MYL12B: variants seen among roughly 807,000 people sequenced by gnomAD.
MYL12B encodes myosin regulatory light chain 12B.
MYL12B carries 3 observed loss-of-function variants against 12.9 expected under a neutral mutation model. The observed-to-expected ratio is 0.23, with a 90% CI of 0.11 to 0.60. MYL12B has a LOEUF of 0.60. Among genes scored for constraint, MYL12B ranks in the 20% least tolerant of loss-of-function variants. The pLI, the probability that MYL12B is intolerant of heterozygous loss-of-function variation, is 0.89. For missense variants in MYL12B, 120 were observed against 215.4 expected, an observed-to-expected ratio of 0.56 and a Z score of 2.77; for synonymous variants, 57 against 71.9, an observed-to-expected ratio of 0.79 and a Z score of 1.05.
Position 3,274,037 on chromosome 18 carries a change from C to T in MYL12B, c.184+955C>T, listed in dbSNP as rs140691880. 2.1e-3 allele frequency among the ~76,000 whole-genome samples: 320 copies of T among 152,178 alleles called. 3 individuals carry two copies. Among genetic ancestry groups the T allele is most frequent in the Non-Finnish European group, 3.7e-3 (250 of 68,012 alleles). On this transcript the variant is annotated intron_variant, in intron 2 of 3. Transcript: ENST00000237500. ...AGTGGAAAGAACATTATAGTGAACA[C>T]CTATACATCTTTAGCTATATTCACT...
chr18:3,264,533 G>A (rs1159616488), intron 1 of MYL12B, among the ~76,000 whole-genome samples: 1 of 152,130 alleles, frequency 6.6e-6, no homozygotes, highest in African/African-American at 2.4e-5. Flanking sequence ...GCGAGACCCT[G>A]TCTCTACCCT....
chr18:3,277,664 G>C, intron 3 of MYL12B, 101 bp from the exon 4 acceptor site: 1 of 1,398,362 alleles, frequency 7.2e-7, no homozygotes, highest in Non-Finnish European at 9.5e-7. Flanking sequence ...TATAGATATG[G>C]ATATTCTGAA....
At chr18:3,267,413 T>G (rs1015309709) in intron 1 of MYL12B, among the ~76,000 whole-genome samples, 6 of 152,232 alleles carry the variant, frequency 3.9e-5, no homozygotes, top group African/African-American at 1.2e-4. Context: ...TTTCTGCTTA[T>G]TAATGATGAT....
chr18:3,269,568 T>C (rs1192239373), intron 1 of MYL12B, among the ~76,000 whole-genome samples: 2 of 152,162 alleles, frequency 1.3e-5, no homozygotes, highest in Non-Finnish European at 2.9e-5. Context: ...TATGAGTGTC[T>C]GTGGCATATC....
rs2081595301 is a variant in MYL12B, at chr18:3,262,171, C to A, written c.-82C>A. On this transcript the variant is annotated 5_prime_UTR_variant, in exon 1 of 4. Transcript: ENST00000237500. ...CGGCGCCGCCACTGTCCGGCCACAGCCTAACGCTCTTCGCTGTCGTTTGTG... is the reference window on the plus strand; with the variant it reads ...CGGCGCCGCCACTGTCCGGCCACAGACTAACGCTCTTCGCTGTCGTTTGTG... The A allele has an allele frequency of 6.6e-6, 1 of 152,132 alleles. No individual in the cohort carries two copies. Among genetic ancestry groups the A allele is most frequent in the African/African-American group, 2.4e-5 (1 of 41,456 alleles). The allele number at this position is 152,132 out of a possible 1,614,324, so 9.4% of individuals were successfully genotyped here.
chr18:3,277,460 A>G (rs1327370031), intron 3 of MYL12B, 46 bp downstream of exon 3: 2 of 1,568,936 alleles, frequency 1.3e-6, no homozygotes, highest in Non-Finnish European at 1.7e-6. Flanking sequence ...CACTATATAA[A>G]GTACTTCTGT....
intron 1 of MYL12B, among the ~76,000 whole-genome samples, chr18:3,264,921 C>G (rs1299833553): frequency 1.8e-4 from 28 of 152,126 alleles, no homozygotes; most frequent in Non-Finnish European, 1.5e-4. Context: ...ATTATAAAAA[C>G]TTATTAAGGT....
intron 2 of MYL12B, 30 bp downstream of exon 2, chr18:3,273,112 C>T (rs2144361937): frequency 6.6e-7 from 1 of 1,515,690 alleles, no homozygotes; most frequent in Non-Finnish European, 8.9e-7. Flanking sequence ...TTTGTATTTT[C>T]CCTAAAATAA....
Position 3,278,142 on chromosome 18 carries a change from G to A in MYL12B, c.*205G>A, listed in dbSNP as rs1788344397. On this transcript the variant is annotated 3_prime_UTR_variant, in exon 4 of 4. Coordinates refer to ENST00000237500, the MANE Select transcript of MYL12B (RefSeq NM_033546.4). ...TGGGGATGAGGGTGTAAATTGTATTGAAAAAGATCGCGAATAAAAATCAAC... is the reference window on the plus strand; with the variant it reads ...TGGGGATGAGGGTGTAAATTGTATTAAAAAAGATCGCGAATAAAAATCAAC... The A allele has an allele frequency of 2.2e-6, 1 of 446,028 alleles. No individual in the cohort carries two copies. Among genetic ancestry groups the A allele is most frequent in the South Asian group, 7.6e-5 (1 of 13,202 alleles). 27.6% of individuals were successfully genotyped at this position (446,028 alleles called of 1,614,324 possible).
intron 1 of MYL12B, chr18:3,263,190 TTATC>T (rs1382740733): frequency 6.6e-6 from 1 of 152,166 alleles, no homozygotes; most frequent in Non-Finnish European, 1.5e-5. Context: ...AAAGAAAAGA[TTATC>T]TAAGAAGCCA....
At chr18:3,268,944 T>A (rs2081655548) in intron 1 of MYL12B, among the ~76,000 whole-genome samples, 1 of 152,158 alleles carries the variant, frequency 6.6e-6, no homozygotes, top group Non-Finnish European at 1.5e-5. Context: ...TAGCTGTAAG[T>A]TGAGTAGATC....
At chr18:3,273,457 G>A (rs2081699559) in intron 2 of MYL12B, among the ~76,000 whole-genome samples, 1 of 152,116 alleles carries the variant, frequency 6.6e-6, no homozygotes, top group South Asian at 2.1e-4. Context: ...AGTGATGATG[G>A]TTATCTCTGG....
chr18:3,266,525 C>T (rs542220163), intron 1 of MYL12B, among the ~76,000 whole-genome samples: 71 of 152,070 alleles, frequency 4.7e-4, no homozygotes, highest in African/African-American at 1.7e-3. Context: ...ACCTGGCTAC[C>T]ACCATGACCA....
At chr18:3,271,933 G>A (rs1272800204) in intron 1 of MYL12B, 12 of 318,290 alleles carry the variant, frequency 3.8e-5, no homozygotes, top group Middle Eastern at 1.5e-3. Context: ...GGCTGGGCAC[G>A]GTGGCTCATG....
At chr18:3,265,886 A>G (rs565649155) in intron 1 of MYL12B, among the ~76,000 whole-genome samples, 1 of 152,302 alleles carries the variant, frequency 6.6e-6, no homozygotes, top group South Asian at 2.1e-4. Context: ...CAGAACTTGG[A>G]TGGAAACTGA....
At chr18:3,266,530 T>C (rs1034722034) in intron 1 of MYL12B, among the ~76,000 whole-genome samples, 1 of 151,870 alleles carries the variant, frequency 6.6e-6, no homozygotes, top group Admixed American at 6.6e-5. Flanking sequence ...GCTACCACCA[T>C]GACCAGAGGA....
chr18:3,273,860 T>TTTTG (rs1232535939), intron 2 of MYL12B, among the ~76,000 whole-genome samples: 1 of 107,896 alleles, frequency 9.3e-6, no homozygotes, highest in African/African-American at 2.5e-5. Context: ...GGTTTTTTTT[T>TTTTG]TCTCTCTTTT....
chr18:3,265,785 G>T (rs1474667469), intron 1 of MYL12B, among the ~76,000 whole-genome samples: 1 of 152,168 alleles, frequency 6.6e-6, no homozygotes, highest in Non-Finnish European at 1.5e-5. Context: ...TGATTTGCTG[G>T]TCAGAGCCAG....
Position 3,278,283 on chromosome 18 carries a change from A to C in MYL12B, c.*346A>C. The C allele has an allele frequency of 5.4e-6, 1 of 184,508 alleles. No individual in the cohort carries two copies. The highest frequency in any genetic ancestry group is 6.1e-5 in the Admixed American group (1 of 16,340). 11.4% of individuals were successfully genotyped at this position (184,508 alleles called of 1,614,324 possible). Reference sequence around the variant, plus strand: ...GATTATGCTGACTCAAATGCAATGTAATGGCAAGTTAAACAAATGATTGAT... The same window carrying C: ...GATTATGCTGACTCAAATGCAATGTCATGGCAAGTTAAACAAATGATTGAT... On this transcript the variant is annotated 3_prime_UTR_variant, in exon 4 of 4. Transcript: ENST00000237500.
Sources: allele counts gnomAD v4.1 joint callset (sites outside exome capture counted in the v4.1 genomes callset), GRCh38; gene constraint gnomAD v4.1.1; transcripts MANE v1.5; gene names NCBI Gene and HGNC (gene_info 2026-07-23, HGNC 2026-07-21).